SLC26A9: variants seen among roughly 807,000 people sequenced by gnomAD.
SLC26A9 encodes the protein solute carrier family 26 member 9.
Under a neutral mutation model 87.1 loss-of-function variants are expected in SLC26A9, and 46 were observed. That is an observed-to-expected ratio of 0.53 (90% confidence interval 0.42 to 0.67). The LOEUF is 0.67. Among genes scored for constraint, SLC26A9 ranks in the 30% least tolerant of loss-of-function variants. The pLI is 0.00. For synonymous variants in SLC26A9, 437 were observed against 409.1 expected (o/e 1.07, Z -0.82); for missense variants, 927 against 1,018.3 (o/e 0.91, Z 1.22).
In SLC26A9 at chr1:205,927,203, G is replaced by C; in HGVS notation, c.1293+8C>G. 2 of 1,614,004 alleles carry C rather than the reference G, an allele frequency of 1.2e-6. No homozygotes were observed. The highest frequency in any genetic ancestry group is 1.7e-6 in the Non-Finnish European group (2 of 1,179,906). On this transcript the variant is annotated splice_region_variant and intron_variant, in intron 11 of 20. Coordinates refer to ENST00000367135, the MANE Select transcript of SLC26A9 (RefSeq NM_052934.4). Reference sequence around the variant, plus strand: ...TCGTTGACTTCTGCTCGATGGCTGGGCTCTTACCTTAGGGAGAGGATACAG... The same window carrying C: ...TCGTTGACTTCTGCTCGATGGCTGGCCTCTTACCTTAGGGAGAGGATACAG...
chr1:205,919,427 G>A (rs940147600), intron 18 of SLC26A9, among the ~76,000 whole-genome samples: 1 of 152,174 alleles, frequency 6.6e-6, no homozygotes, highest in African/African-American at 2.4e-5. Flanking sequence ...AGGTTGGGGA[G>A]AATCCACTGC....
intron 1 of SLC26A9, among the ~76,000 whole-genome samples, chr1:205,937,399 G>A (rs558334412): frequency 6.6e-6 from 1 of 152,364 alleles, no homozygotes; most frequent in South Asian, 2.1e-4. Flanking sequence ...GCAATGGCAT[G>A]TGAGACATTT....
At chr1:205,923,887 A>C (rs959000542) in intron 13 of SLC26A9, among the ~76,000 whole-genome samples, 2 of 152,120 alleles carry the variant, frequency 1.3e-5, no homozygotes, top group African/African-American at 4.8e-5. Flanking sequence ...GTCGCCCTGA[A>C]GTCATCATTT....
Position 205,933,016 on chromosome 1 carries a change from T to C in SLC26A9, c.194A>G (p.Tyr65Cys), listed in dbSNP as rs781677150. 6.2e-7 allele frequency: 1 copy of C among 1,614,030 alleles called. No homozygotes were observed. The highest frequency in any genetic ancestry group is 8.5e-7 in the Non-Finnish European group (1 of 1,180,016). Reference sequence around the variant, plus strand: ...AGGAATGATGTAGTCTTTAATCTTGTACTTGGGGAGCCAGGAGAGCACAGG... The same window carrying C: ...AGGAATGATGTAGTCTTTAATCTTGCACTTGGGGAGCCAGGAGAGCACAGG... ...LLPVLSWLPK[Y>C]KIKDYIIPDL... is the part of the protein sequence containing the mutation. Residue 65 changes from tyrosine (Y) to cysteine (C), a missense_variant, in exon 3 of 21, where the codon TAC (tyrosine) becomes TGC (cysteine). Physicochemically the swap from Tyr to Cys is radical, Grantham distance 194. Transcript: ENST00000367135.
rs748280491 is a variant in SLC26A9 at position 205,932,796 on chromosome 1, C to T, written c.282G>A (p.Leu94=). Residue 94 remains leucine, a synonymous_variant, in exon 4 of 21, where the codon CTG becomes CTA. Coordinates refer to ENST00000367135, the MANE Select transcript of SLC26A9 (RefSeq NM_052934.4). ...IQVPQGMAFA[L]LANLPAVNGL... ...CATTGACTGCAGGAAGGTTGGCCAGCAGAGCAAATGCCATGCCTGCAGAGG... is the reference window on the plus strand; with the variant it reads ...CATTGACTGCAGGAAGGTTGGCCAGTAGAGCAAATGCCATGCCTGCAGAGG... The T allele has an allele frequency of 3.1e-6, 5 of 1,596,864 alleles. No homozygotes were observed. In the East Asian group the frequency reaches 6.7e-5, roughly 21 times the overall value.
At chr1:205,927,807 T>C in intron 9 of SLC26A9, 95 bp downstream of exon 9, 1 of 1,550,606 alleles carries the variant, frequency 6.4e-7, no homozygotes, top group Non-Finnish European at 8.7e-7. Flanking sequence ...GCAGCCTGCC[T>C]CACCTCAGCC....
rs748048445 is a variant in SLC26A9, at chr1:205,918,954, G to A, written c.2142C>T (p.Gly714=). Residue 714 remains glycine (G), a synonymous_variant, in exon 19 of 21, where the codon GGC becomes GGT. Coordinates refer to ENST00000367135, the MANE Select transcript of SLC26A9 (RefSeq NM_052934.4). ...AQVYNDISHG[G]VFEDGSLECK... is the part of the protein sequence containing the mutation. The stretch of plus-strand genomic sequence containing the variant: ...ATTCTAGACTCCCATCCTCAAAGAC[G>A]CCTCCATGGCTAATGTCATTGTACA... The A allele has an allele frequency of 3.1e-6, 5 of 1,614,070 alleles. No homozygotes were observed. Among genetic ancestry groups the A allele is most frequent in the African/African-American group, 1.3e-5 (1 of 74,930 alleles).
At chr1:205,937,044 T>A (rs893961245) in intron 1 of SLC26A9, among the ~76,000 whole-genome samples, 3 of 152,204 alleles carry the variant, frequency 2.0e-5, no homozygotes, top group African/African-American at 7.2e-5. Flanking sequence ...GTTGTGAAGA[T>A]CAAATGAGTT....
intron 20 of SLC26A9, 61 bp downstream of exon 20, chr1:205,917,222 C>T (rs946286924): frequency 5.7e-6 from 9 of 1,567,744 alleles, no homozygotes; most frequent in African/African-American, 1.4e-5. Flanking sequence ...TATTTGACAG[C>T]GACCCCATCC....
At chr1:205,923,047 A>G in intron 16 of SLC26A9, 35 bp downstream of exon 16, 1 of 1,594,658 alleles carries the variant, frequency 6.3e-7, no homozygotes, top group Non-Finnish European at 8.6e-7. Flanking sequence ...TGGGCAGGAG[A>G]GCAGGGCACG....
chr1:205,929,809 T>G, intron 6 of SLC26A9, 83 bp downstream of exon 6: 1 of 1,462,156 alleles, frequency 6.8e-7, no homozygotes, highest in Non-Finnish European at 9.1e-7. Context: ...AATGAGGAGC[T>G]CACGACATCT....
rs2102594664 is a variant in SLC26A9, at chr1:205,931,951, G to A, written c.461C>T (p.Ala154Val). ...PESKFQVFNNATNESYVDTAA... is the reference protein window; with the variant it reads ...PESKFQVFNNVTNESYVDTAA... Reference sequence around the variant, plus strand: ...TGTGTCCACATAGCTCTCATTGGTGGCATTGTTGAAGACCTGGAATTTCGA... The same window carrying A: ...TGTGTCCACATAGCTCTCATTGGTGACATTGTTGAAGACCTGGAATTTCGA... Residue 154 changes from alanine (A) to valine (V), a missense_variant, in exon 5 of 21, where the codon GCC becomes GTC. Transcript: ENST00000367135. The A allele has an allele frequency of 6.2e-7, 1 of 1,614,210 alleles. No individual in the cohort carries two copies. Among genetic ancestry groups the A allele is most frequent in the Non-Finnish European group, 8.5e-7 (1 of 1,180,040 alleles).
chr1:205,928,944 C>T (rs1268828964), intron 7 of SLC26A9, 35 bp from the exon 8 acceptor site: 2 of 1,611,974 alleles, frequency 1.2e-6, no homozygotes, highest in Non-Finnish European at 1.7e-6. Context: ...GGGATTGGCC[C>T]TAAGGTGGGG....
chr1:205,932,780 C>T lies in SLC26A9; in HGVS notation c.298G>A (p.Ala100Thr), dbSNP rs1421096084. 6.3e-7 allele frequency: 1 copy of T among 1,599,930 alleles called. No individual in the cohort carries two copies. The highest frequency in any genetic ancestry group is 1.1e-5 in the South Asian group (1 of 87,872). Residue 100 changes from alanine (A) to threonine (T), a missense_variant, in exon 4 of 21, where the codon GCA (alanine) becomes ACA (threonine). Transcript: ENST00000367135. ...MAFALLANLP[A>T]VNGLYSSFFP... ...AAGGAGGAGTAGAGGCCATTGACTGCAGGAAGGTTGGCCAGCAGAGCAAAT... is the reference window on the plus strand; with the variant it reads ...AAGGAGGAGTAGAGGCCATTGACTGTAGGAAGGTTGGCCAGCAGAGCAAAT...
chr1:205,920,562 G>A (rs187151476), intron 17 of SLC26A9, among the ~76,000 whole-genome samples: 58 of 152,130 alleles, frequency 3.8e-4, no homozygotes, highest in African/African-American at 1.3e-3. Context: ...GTGCAGTGGC[G>A]TGATCTTGGC....
At position 205,915,215 on chromosome 1, in the gene SLC26A9, G is replaced by C; in HGVS notation, c.*142C>G. ...ATGCGGGGAGGGAAGGAAGGGAGGA[G>C]AGAGGGGGAGAGGAGAGAGGAACCC... On this transcript the variant is annotated 3_prime_UTR_variant, in exon 21 of 21. Coordinates refer to ENST00000367135, the MANE Select transcript of SLC26A9 (RefSeq NM_052934.4). 1 of 1,605,922 alleles carries C rather than the reference G, an allele frequency of 6.2e-7. No homozygotes were observed. The highest frequency in any genetic ancestry group is 8.5e-7 in the Non-Finnish European group (1 of 1,175,150).
chr1:205,930,130 A>C (rs1379543593), intron 5 of SLC26A9, 74 bp from the exon 6 acceptor site: 1 of 1,485,584 alleles, frequency 6.7e-7, no homozygotes, highest in Admixed American at 2.0e-5. Context: ...CGCCCCACAC[A>C]CACGCAGGTC....
At chr1:205,941,165 T>C (rs929938330) in intron 1 of SLC26A9, among the ~76,000 whole-genome samples, 2 of 152,218 alleles carry the variant, frequency 1.3e-5, no homozygotes, top group South Asian at 4.1e-4. Flanking sequence ...TTGTTTGTTT[T>C]GTTTTTTTGT....
Position 205,932,980 on chromosome 1 carries a change from C to T in SLC26A9, c.230G>A (p.Gly77Asp). The part of the protein sequence containing the change: ...IKDYIIPDLL[G>D]GLSGGSIQVP... ...CTGGATGGATCCCCCGCTGAGTCCA[C>T]CGAGCAGGTCAGGAATGATGTAGTC... Residue 77 changes from glycine (G) to aspartate (D), a missense_variant, in exon 3 of 21, where the codon GGT (glycine) becomes GAT (aspartate). By Grantham distance (94) the Gly-to-Asp change is moderately conservative (BLOSUM62 -1). Coordinates refer to ENST00000367135, the MANE Select transcript of SLC26A9 (RefSeq NM_052934.4). 1.2e-6 allele frequency: 2 copies of T among 1,614,104 alleles called. No individual in the cohort carries two copies. The highest frequency in any genetic ancestry group is 4.5e-5 in the East Asian group (2 of 44,866).
Sources: gnomAD v4.1 joint callset for allele counts (sites outside exome capture counted in the v4.1 genomes callset) on GRCh38, gnomAD v4.1.1 for gene constraint, MANE v1.5 for transcripts, NCBI Gene and HGNC (gene_info 2026-07-23, HGNC 2026-07-21) for gene names.